The following ZNF808 variants were observed in gnomAD, a reference collection of about 807,000 sequenced individuals.
The protein encoded by ZNF808 is zinc finger protein 808.
In ZNF808, 5 loss-of-function variants were observed where a neutral mutation model predicts 8.7. That is an observed-to-expected ratio of 0.58 (90% confidence interval 0.30 to 1.21). The LOEUF (loss-of-function observed/expected upper bound fraction) is 1.21, where lower values mean the gene tolerates loss of function less well. Ranked by LOEUF, ZNF808 falls within the 50% of genes most tolerant of loss-of-function variation. The pLI is 0.07. For synonymous variants in ZNF808, 380 were observed against 366.0 expected (o/e 1.04, Z -0.44); for missense variants, 1,103 against 1,098.4 (o/e 1.00, Z -0.06).
At chr19:52,550,092 C>T (rs143271937) in intron 4 of ZNF808, among the ~76,000 whole-genome samples, 357 of 152,332 alleles carry the variant, frequency 2.3e-3, no homozygotes, top group African/African-American at 8.1e-3. Context: ...TGCCTAAGAA[C>T]ATGTCGTGGG....
At chr19:52,561,206 CTCTCTCTATATATATA>C (rs1421172050), downstream of ZNF808, among the ~76,000 whole-genome samples, 99 of 35,306 alleles carry the variant, frequency 2.8e-3, no homozygotes, top group African/African-American at 4.8e-3. Flanking sequence ...CTCTCTCTCT[CTCTCTCTATATATATA>C]TATATATATA....
At chr19:52,551,047 C>T (rs1413731911) in intron 4 of ZNF808, among the ~76,000 whole-genome samples, 5 of 151,916 alleles carry the variant, frequency 3.3e-5, no homozygotes, top group Non-Finnish European at 7.4e-5. Context: ...ATAATGAAAC[C>T]TTGAATCTAC....
At chr19:52,550,757 G>A (rs954276262) in intron 4 of ZNF808, among the ~76,000 whole-genome samples, 2 of 152,102 alleles carry the variant, frequency 1.3e-5, no homozygotes, top group Admixed American at 6.6e-5. Flanking sequence ...CCAACCTCAG[G>A]TGATTCATCC....
intron 2 of ZNF808, among the ~76,000 whole-genome samples, chr19:52,542,011 C>T (rs1218404293): frequency 6.6e-6 from 1 of 152,100 alleles, no homozygotes; most frequent in Non-Finnish European, 1.5e-5. Flanking sequence ...TGAAATAAAT[C>T]ACTTTATTTG....
Position 52,553,603 on chromosome 19 carries a change from ATCTT to A in ZNF808, c.690_693del (p.Phe231HisfsTer15). 1.2e-6 allele frequency: 2 copies of A among 1,614,206 alleles called. No individual in the cohort carries two copies. The highest frequency in any genetic ancestry group is 2.2e-5 in the East Asian group (1 of 44,872). ...AACAGGAAGTACACATGAGAGAAAA[ATCTT>A]TCCCATGTAATGAGAGTGGCAAAGC... is the stretch of plus-strand genomic sequence containing the variant. On this transcript the variant is annotated frameshift_variant, in exon 5 of 5. Coordinates refer to ENST00000359798, the MANE Select transcript of ZNF808 (RefSeq NM_001039886.4). LOFTEE classifies it low-confidence loss of function (END_TRUNC).
chr19:52,537,376 A>G (rs1380322721), intron 2 of ZNF808, among the ~76,000 whole-genome samples: 3 of 151,522 alleles, frequency 2.0e-5, no homozygotes, highest in Admixed American at 1.3e-4. Context: ...ACAGAATTAG[A>G]GAGGGAAGCA....
rs141067513 is a variant in ZNF808 at position 52,549,663 on chromosome 19, G to A, written c.190+2025G>A. Among the ~76,000 whole-genome samples, 1,465 of 151,912 alleles carry A rather than the reference G, an allele frequency of 9.6e-3. 21 individuals carry two copies. Among genetic ancestry groups the A allele is most frequent in the African/African-American group, 0.028 (1,167 of 41,398 alleles). ...ATTCCCACAGAGGTGCATGCACAAA[G>A]TTTACTCCTACATGCCCATTACTTC... On this transcript the variant is annotated intron_variant, in intron 4 of 4. Transcript: ENST00000359798.
chr19:52,541,428 G>A (rs950192375), intron 2 of ZNF808, among the ~76,000 whole-genome samples: 2 of 151,954 alleles, frequency 1.3e-5, no homozygotes, highest in African/African-American at 2.4e-5. Flanking sequence ...GCCCTTTCAG[G>A]CAATCACATG....
At chr19:52,528,810 G>A (rs993524034) in intron 1 of ZNF808, among the ~76,000 whole-genome samples, 2 of 151,986 alleles carry the variant, frequency 1.3e-5, no homozygotes, top group African/African-American at 2.4e-5. Flanking sequence ...CAGAGGAGGC[G>A]CAGAGATGGG....
chr19:52,545,032 T>A (rs888701751), intron 3 of ZNF808, among the ~76,000 whole-genome samples: 8 of 152,234 alleles, frequency 5.3e-5, no homozygotes, highest in African/African-American at 1.9e-4. Flanking sequence ...TTTGTTCACC[T>A]CGGCCTCCCA....
chr19:52,543,625 G>T (rs1007813648), intron 3 of ZNF808, among the ~76,000 whole-genome samples: 1 of 152,216 alleles, frequency 6.6e-6, no homozygotes, highest in Non-Finnish European at 1.5e-5. Flanking sequence ...TAAACATGGG[G>T]TGTGGGCCCG....
rs557778216 is a variant in ZNF808 at position 52,553,246 on chromosome 19, T to G, written c.330T>G (p.Ile110Met). ...GCTTCCAGGAAATTGAGAAAGAAAT[T>G]CATAACATTGAGTTTCAGTGTCAAG... The part of the protein sequence containing the change: ...DFCFQEIEKE[I>M]HNIEFQCQED... The change falls in exon 5 of 5, where the codon ATT becomes ATG. Residue 110 changes from isoleucine (I) to methionine (M), a missense_variant. Coordinates refer to ENST00000359798, the MANE Select transcript of ZNF808 (RefSeq NM_001039886.4). The G allele has an allele frequency of 1.6e-5, 26 of 1,613,838 alleles. No homozygotes were observed. The South Asian group carries it at 2.7e-4, about 17-fold the overall frequency.
At chr19:52,533,594 C>T (rs1306037085) in intron 2 of ZNF808, among the ~76,000 whole-genome samples, 6 of 151,634 alleles carry the variant, frequency 4.0e-5, no homozygotes, top group East Asian at 2.0e-4. Flanking sequence ...CAGTGGCTCA[C>T]GCCTGTAATC....
rs1319210773 is a variant in ZNF808 at position 52,527,683 on chromosome 19, T to A, written c.-150T>A. Reference sequence around the variant, plus strand: ...AGATTAACGCAAACCCGGAAGCGGATCGGGTGGAGTGAAGGTCACGTCGCC... The same window carrying A: ...AGATTAACGCAAACCCGGAAGCGGAACGGGTGGAGTGAAGGTCACGTCGCC... On this transcript the variant is annotated 5_prime_UTR_variant, in exon 1 of 5. Transcript: ENST00000359798. The A allele has an allele frequency of 6.4e-6, 1 of 157,256 alleles. No homozygotes were observed. Among genetic ancestry groups the A allele is most frequent in the Admixed American group, 6.4e-5 (1 of 15,576 alleles). The allele number at this position is 157,256 out of a possible 1,614,324, so 9.7% of individuals were successfully genotyped here.
rs575344760 is a variant in ZNF808 at position 52,536,010 on chromosome 19, A to G, written c.-20+3001A>G. On this transcript the variant is annotated intron_variant, in intron 2 of 4. Coordinates refer to ENST00000359798, the MANE Select transcript of ZNF808 (RefSeq NM_001039886.4). ...TTCAGTCCTGGGCGCGCAAACCCCG[A>G]GGCGGATCGCGTGGAGTGAAGGTCG... 44 of 164,532 alleles carry G rather than the reference A, an allele frequency of 2.7e-4. 1 individual carries two copies. The South Asian group carries it at 6.1e-3, about 23-fold the overall frequency. 10.2% of individuals were successfully genotyped at this position (164,532 alleles called of 1,614,324 possible). A position where few individuals can be genotyped will look rare whatever the true frequency, so the allele number is the denominator to read the frequency against.
At chr19:52,529,043 T>G in intron 1 of ZNF808, among the ~76,000 whole-genome samples, 1 of 139,002 alleles carries the variant, frequency 7.2e-6, no homozygotes, top group African/African-American at 2.7e-5. Flanking sequence ...AGGGGGAGAA[T>G]GAGAGATATG....
intron 4 of ZNF808, among the ~76,000 whole-genome samples, chr19:52,552,343 T>G (rs530259823): frequency 6.6e-6 from 1 of 152,052 alleles, no homozygotes; most frequent in South Asian, 2.1e-4. Flanking sequence ...AGTCACTAAG[T>G]GCCTGTTCTG....
At chr19:52,539,933 C>G (rs1318947074) in intron 2 of ZNF808, among the ~76,000 whole-genome samples, 1 of 152,098 alleles carries the variant, frequency 6.6e-6, no homozygotes, top group Non-Finnish European at 1.5e-5. Flanking sequence ...CAGCGGCAAC[C>G]TCCTGGGCTC....
intron 4 of ZNF808, among the ~76,000 whole-genome samples, chr19:52,550,428 C>T (rs1024619018): frequency 6.6e-6 from 1 of 152,068 alleles, no homozygotes; most frequent in African/African-American, 2.4e-5. Context: ...TGGGGTTTCC[C>T]CATGTTGGCT....
Sources: allele counts gnomAD v4.1 joint callset (sites outside exome capture counted in the v4.1 genomes callset), GRCh38; gene constraint gnomAD v4.1.1; transcripts MANE v1.5; gene names NCBI Gene and HGNC (gene_info 2026-07-23, HGNC 2026-07-21).